PLAGL1: variants seen among roughly 807,000 people sequenced by gnomAD.
The protein encoded by PLAGL1 is zinc finger protein PLAGL1.
A neutral mutation model predicts 4.6 loss-of-function variants in PLAGL1; 1 was observed. That is an observed-to-expected ratio of 0.22 (90% confidence interval 0.08 to 1.03). The LOEUF is 1.03. Ranked by LOEUF, PLAGL1 falls within the 50% of genes least tolerant of loss-of-function variation. PLAGL1 has a pLI of 0.58. For synonymous variants in PLAGL1, 240 were observed against 237.8 expected (o/e 1.01, Z -0.08); for missense variants, 464 against 570.4 (o/e 0.81, Z 1.90).
At position 143,940,474 on chromosome 6, in the gene PLAGL1, A is replaced by T. The variant is rs1228908253; in HGVS notation, c.*950T>A. Reference sequence around the variant, plus strand: ...TTGTAAAACGTAATCTTCTTTTAATAAAAGCTAATAATGACTGATGAATTA... The same window carrying T: ...TTGTAAAACGTAATCTTCTTTTAATTAAAGCTAATAATGACTGATGAATTA... On this transcript the variant is annotated 3_prime_UTR_variant, in exon 8 of 8. Transcript: ENST00000674357. 1 of 152,262 alleles carries T rather than the reference A, an allele frequency of 6.6e-6. No individual in the cohort carries two copies. Among genetic ancestry groups the T allele is most frequent in the Non-Finnish European group, 1.5e-5 (1 of 68,044 alleles). The allele number at this position is 152,262 out of a possible 1,614,324, so 9.4% of individuals were successfully genotyped here. A position where few individuals can be genotyped will look rare whatever the true frequency, so the allele number is the denominator to read the frequency against.
In PLAGL1 at chr6:143,983,924, GA is replaced by G. The variant is rs1788491946; in HGVS notation, c.-544+1210del. ...AGGTCATTGAAGGAGAGGAAATCAA[GA>G]AACCGAGAAGCCAGGCTGTTAAGAC... On this transcript the variant is annotated intron_variant, in intron 2 of 7. Transcript: ENST00000674357. This position sits in a 1 kb window ranked among gnomAD's most constrained non-coding sequence, Gnocchi z 6.6. 6.6e-6 allele frequency among the ~76,000 whole-genome samples: 1 copy of G among 152,048 alleles called. No homozygotes were observed. Among genetic ancestry groups the G allele is most frequent in the Non-Finnish European group, 1.5e-5 (1 of 68,012 alleles).
At chr6:143,987,437 CTTTTTTTT>C (rs71024883) in intron 1 of PLAGL1, among the ~76,000 whole-genome samples, 7 of 73,940 alleles carry the variant, frequency 9.5e-5, no homozygotes, top group South Asian at 1.4e-3. Context: ...ACCACACTGG[CTTTTTTTT>C]TTTTTTTTTT....
intron 3 of PLAGL1, chr6:143,967,762 T>G (rs1784675749): frequency 6.6e-6 from 1 of 152,048 alleles, no homozygotes; most frequent in South Asian, 2.1e-4. Context: ...TAGAATCGTT[T>G]GGAGAACAGG....
intron 1 of PLAGL1, among the ~76,000 whole-genome samples, chr6:144,025,026 T>C (rs902072910): frequency 1.3e-5 from 2 of 152,152 alleles, no homozygotes; most frequent in African/African-American, 4.8e-5. Flanking sequence ...ACAGCCCTCC[T>C]TCCAAAGTGT....
chr6:143,967,237 A>G (rs1293932485), intron 3 of PLAGL1: 1 of 152,190 alleles, frequency 6.6e-6, no homozygotes, highest in Non-Finnish European at 1.5e-5. Context: ...ATATACGGTT[A>G]TGCGTTACAC....
rs1462541704 is a variant in PLAGL1, at chr6:144,016,042, CAAAG to C, written c.-150-47068_-150-47065del. 6.6e-6 allele frequency among the ~76,000 whole-genome samples: 1 copy of C among 151,842 alleles called. No individual in the cohort carries two copies. The highest frequency in any genetic ancestry group is 1.5e-5 in the Non-Finnish European group (1 of 67,984). ...AAACAACAACAACACTGTGCGGAGT[CAAAG>C]AAATCATATTGTATTAGTCAGGGTT... On this transcript the variant is annotated intron_variant, in intron 1 of 3. Transcript: ENST00000437412. This position sits in a 1 kb window ranked among gnomAD's most constrained non-coding sequence, Gnocchi z 4.2.
rs1185584431 is a variant in PLAGL1, at chr6:144,048,199, GC to G, written c.-151+16268del. ...TGCCTCTGTGGCTTTGCAGGGTACGGCCTCCCTCTTGGCTGCTTTCATGGGC... is the reference window on the plus strand; with the variant it reads ...TGCCTCTGTGGCTTTGCAGGGTACGGCTCCCTCTTGGCTGCTTTCATGGGC... On this transcript the variant is annotated intron_variant, in intron 1 of 3. Transcript: ENST00000437412. The surrounding 1 kb of genome is among the most constrained non-coding windows in gnomAD (Gnocchi z 4.8). 6.6e-6 allele frequency among the ~76,000 whole-genome samples: 1 copy of G among 152,216 alleles called. No individual in the cohort carries two copies. Among genetic ancestry groups the G allele is most frequent in the Non-Finnish European group, 1.5e-5 (1 of 68,036 alleles).
At position 143,957,012 on chromosome 6, in the gene PLAGL1, CCTT is replaced by C. The variant is rs1782294367; in HGVS notation, c.-325+3454_-325+3456del. ...AGGATCCCCACGAAAGGGCCAAAGG[CCTT>C]CTTCCAGATGGGTCATCCAGTATAG... On this transcript the variant is annotated intron_variant, in intron 6 of 7. Transcript: ENST00000674357. The surrounding 1 kb of genome is among the most constrained non-coding windows in gnomAD (Gnocchi z 4.2). Among the ~76,000 whole-genome samples the C allele has an allele frequency of 6.6e-6, 1 of 152,238 alleles. No homozygotes were observed. The highest frequency in any genetic ancestry group is 1.5e-5 in the Non-Finnish European group (1 of 68,050).
rs1037943309 is a variant in PLAGL1, at chr6:143,989,414, T to C, written c.-583-4240A>G. ...TCGGAGCATACCACCCTCCCAAATA[T>C]GGGCTGGCATCATCCAATCCACTGA... On this transcript the variant is annotated intron_variant, in intron 1 of 7. Coordinates refer to ENST00000674357, the MANE Select transcript of PLAGL1 (RefSeq NM_001317162.2). This position sits in a 1 kb window ranked among gnomAD's most constrained non-coding sequence, Gnocchi z 4.8. 8.5e-5 allele frequency among the ~76,000 whole-genome samples: 13 copies of C among 152,182 alleles called. No homozygotes were observed. The highest frequency in any genetic ancestry group is 1.3e-4 in the Non-Finnish European group (9 of 68,020).
Position 144,034,897 on chromosome 6 carries a change from G to C in PLAGL1, c.-151+29571C>G, listed in dbSNP as rs903452627. Among the ~76,000 whole-genome samples, 5 of 152,182 alleles carry C rather than the reference G, an allele frequency of 3.3e-5. No individual in the cohort carries two copies. Among genetic ancestry groups the C allele is most frequent in the Non-Finnish European group, 5.9e-5 (4 of 68,028 alleles). On this transcript the variant is annotated intron_variant, in intron 1 of 3. Transcript: ENST00000437412. The surrounding 1 kb of genome is among the most constrained non-coding windows in gnomAD (Gnocchi z 4.7). The stretch of plus-strand genomic sequence containing the variant: ...ATACTCCTCCCAGAGCCTGATCTAG[G>C]ACTACAGCTGAAGGCTTTCAGGTTT...
chr6:143,980,857 A>T (rs1211136638), intron 2 of PLAGL1, among the ~76,000 whole-genome samples: 1 of 152,210 alleles, frequency 6.6e-6, no homozygotes, highest in Non-Finnish European at 1.5e-5. Context: ...AAGCTACTTC[A>T]AACAATTTGA....
rs117539741 is a variant in PLAGL1 at position 143,956,323 on chromosome 6, G to A, written c.-325+4146C>T. 6.4e-4 allele frequency among the ~76,000 whole-genome samples: 98 copies of A among 152,270 alleles called. 1 individual carries two copies. The highest frequency in any genetic ancestry group is 1.2e-3 in the Non-Finnish European group (84 of 68,026). On this transcript the variant is annotated intron_variant, in intron 6 of 7. Coordinates refer to ENST00000674357, the MANE Select transcript of PLAGL1 (RefSeq NM_001317162.2). ...GGTCATCTACTCTGCACTGTAGCCC[G>A]GATGGAAGCAGCCTTGTGGGGGCAT...
At chr6:144,047,181 A>AGG (rs1798223414) in intron 1 of PLAGL1, among the ~76,000 whole-genome samples, 1 of 152,132 alleles carries the variant, frequency 6.6e-6, no homozygotes, top group Admixed American at 6.5e-5. Flanking sequence ...ACCCTGCTTC[A>AGG]GCTTGCCCTC....
At chr6:143,986,817 G>T (rs542366069) in intron 1 of PLAGL1, among the ~76,000 whole-genome samples, 1 of 152,272 alleles carries the variant, frequency 6.6e-6, no homozygotes, top group African/African-American at 2.4e-5. Context: ...TTGATATGCT[G>T]CCCCAAATAC....
rs1210177239 is a variant in PLAGL1 at position 143,994,919 on chromosome 6, T to C, written c.-583-9745A>G. On this transcript the variant is annotated intron_variant, in intron 1 of 7. Coordinates refer to ENST00000674357, the MANE Select transcript of PLAGL1 (RefSeq NM_001317162.2). This position sits in a 1 kb window ranked among gnomAD's most constrained non-coding sequence, Gnocchi z 4.3. The stretch of plus-strand genomic sequence containing the variant: ...AGATTTTCTGAACTCACGGAGGTAA[T>C]TGGACTATGTCACATCTCTCAGTGA... Among the ~76,000 whole-genome samples, 4 of 152,224 alleles carry C rather than the reference T, an allele frequency of 2.6e-5. No individual in the cohort carries two copies. The highest frequency in any genetic ancestry group is 7.2e-5 in the African/African-American group (3 of 41,466).
rs1027889883 is a variant in PLAGL1 at position 144,004,990 on chromosome 6, A to G, written c.-584+3100T>C. 6.7e-6 allele frequency: 1 copy of G among 149,192 alleles called. No individual in the cohort carries two copies. Among genetic ancestry groups the G allele is most frequent in the Non-Finnish European group, 1.5e-5 (1 of 67,404 alleles). The allele number at this position is 149,192 out of a possible 1,614,324, so 9.2% of individuals were successfully genotyped here. On this transcript the variant is annotated intron_variant, in intron 1 of 7. Transcript: ENST00000674357. This position sits in a 1 kb window ranked among gnomAD's most constrained non-coding sequence, Gnocchi z 4.2. The stretch of plus-strand genomic sequence containing the variant: ...TATTTAATTTTTATATAAACTCTAC[A>G]GAGAGATTATATATAATCTATATAT...
At position 144,056,023 on chromosome 6, in the gene PLAGL1, A is replaced by C. The variant is rs1268742279; in HGVS notation, c.-151+8445T>G. On this transcript the variant is annotated intron_variant, in intron 1 of 3. Transcript: ENST00000437412. The surrounding 1 kb of genome is among the most constrained non-coding windows in gnomAD (Gnocchi z 4.7). The stretch of plus-strand genomic sequence containing the variant: ...TCAACATATAAGACAGAAGTACCAC[A>C]GAGAAGTTCAACATGGTAAAAGATG... 1.3e-5 allele frequency among the ~76,000 whole-genome samples: 2 copies of C among 152,194 alleles called. No individual in the cohort carries two copies. Among genetic ancestry groups the C allele is most frequent in the Non-Finnish European group, 2.9e-5 (2 of 68,034 alleles).
rs1783153000 is a variant in PLAGL1, at chr6:143,960,487, C to T, written c.-343G>A. ...TGCGCACCTACTGAGTGACAGGGAA[C>T]ATCTGCTGCGAGGCAGGGACCGAGT... On this transcript the variant is annotated 5_prime_UTR_variant, in exon 6 of 8. The change abolishes an upstream ATG in the 5' untranslated region. Transcript: ENST00000674357. The surrounding 1 kb of genome is among the most constrained non-coding windows in gnomAD (Gnocchi z 5.7). 6.6e-6 allele frequency: 1 copy of T among 152,214 alleles called. No homozygotes were observed. Among genetic ancestry groups the T allele is most frequent in the Non-Finnish European group, 1.5e-5 (1 of 68,048 alleles). 9.4% of individuals were successfully genotyped at this position (152,214 alleles called of 1,614,324 possible).
Position 143,962,592 on chromosome 6 carries a change from T to C in PLAGL1, c.-398-2050A>G, listed in dbSNP as rs1410860618. 6.6e-6 allele frequency among the ~76,000 whole-genome samples: 1 copy of C among 152,230 alleles called. No homozygotes were observed. The highest frequency in any genetic ancestry group is 2.4e-5 in the African/African-American group (1 of 41,464). On this transcript the variant is annotated intron_variant, in intron 5 of 7. Transcript: ENST00000674357. This position sits in a 1 kb window ranked among gnomAD's most constrained non-coding sequence, Gnocchi z 5.3. ...TGAGTTCCAGGATGTGTTTTTGCTGTCACAATATGTTTTTCTAGGCATTTG... is the reference window on the plus strand; with the variant it reads ...TGAGTTCCAGGATGTGTTTTTGCTGCCACAATATGTTTTTCTAGGCATTTG...
Sources: gnomAD v4.1 joint callset for allele counts (sites outside exome capture counted in the v4.1 genomes callset) on GRCh38, gnomAD v4.1.1 for gene constraint, Gnocchi (gnomAD v3.1) non-coding constraint, MANE v1.5 for transcripts, NCBI Gene and HGNC (gene_info 2026-07-23, HGNC 2026-07-21) for gene names.